Variants in TUT4 observed in about 807,000 individuals in gnomAD.
TUT4 encodes terminal uridylyltransferase 4.
In TUT4, 36 loss-of-function variants were observed where a neutral mutation model predicts 192.2. The observed-to-expected ratio is 0.19, with a 90% CI of 0.14 to 0.25. The LOEUF is 0.25. TUT4 is among the 10% of genes least tolerant of loss of function. The pLI, the probability that TUT4 is intolerant of heterozygous loss-of-function variation, is 1.00. For missense variants in TUT4, 1,493 were observed against 1,957.2 expected (o/e 0.76, Z 4.47); for synonymous variants, 618 against 666.0 (o/e 0.93, Z 1.11).
rs751392999 is a variant in TUT4, at chr1:52,475,412, T to C, written c.2147A>G (p.Asn716Ser). The change falls in exon 13 of 30, where the codon AAT (asparagine) becomes AGT (serine). Residue 716 changes from asparagine (N) to serine (S), a missense_variant. By Grantham distance (46) the Asn-to-Ser change is conservative. This residue lies in a region of TUT4 where 245 missense variants were observed against 218.4 expected (regional missense o/e 1.12). Transcript: ENST00000257177. ...TTTCTTGAAATCCACTGTAGACTTA[T>C]TTCCACCCTTCGTCTGAGGACAGGC... ...YFACPQTKGG[N>S]KSTVDFKKRE... 1.9e-6 allele frequency: 3 copies of C among 1,614,142 alleles called. No homozygotes were observed. Among genetic ancestry groups the C allele is most frequent in the South Asian group, 2.2e-5 (2 of 91,080 alleles).
chr1:52,440,217 G>GTA (rs1655093217), intron 24 of TUT4, among the ~76,000 whole-genome samples: 1 of 152,114 alleles, frequency 6.6e-6, no homozygotes, highest in African/African-American at 2.4e-5. Flanking sequence ...GCACAATCCT[G>GTA]TATATATATT....
At chr1:52,439,067 C>CT (rs1275129339) in intron 24 of TUT4, among the ~76,000 whole-genome samples, 12 of 102,366 alleles carry the variant, frequency 1.2e-4, no homozygotes, top group Admixed American at 3.2e-4. Context: ...AAGACTCCAT[C>CT]TAAAAAAAAA....
At chr1:52,527,015 C>T (rs1456105981) in intron 1 of TUT4, among the ~76,000 whole-genome samples, 1 of 151,924 alleles carries the variant, frequency 6.6e-6, no homozygotes, top group Admixed American at 6.6e-5. Flanking sequence ...CAAGAAGGAA[C>T]GAAACTCCAT....
intron 2 of TUT4, among the ~76,000 whole-genome samples, chr1:52,521,481 A>G (rs1030245236): frequency 6.6e-6 from 1 of 151,892 alleles, no homozygotes; most frequent in Non-Finnish European, 1.5e-5. Context: ...CCTGGCTAAC[A>G]TGGTGAAACC....
At chr1:52,442,710 A>G (rs1027450538) in intron 24 of TUT4, among the ~76,000 whole-genome samples, 6 of 152,222 alleles carry the variant, frequency 3.9e-5, no homozygotes, top group African/African-American at 1.4e-4. Context: ...CATAATGAAG[A>G]TAACCTAAAT....
chr1:52,516,306 TA>T (rs765662691), intron 2 of TUT4, among the ~76,000 whole-genome samples: 5 of 152,112 alleles, frequency 3.3e-5, no homozygotes, highest in Non-Finnish European at 7.4e-5. Flanking sequence ...AAGAGATACA[TA>T]ACTGAGACTT....
At chr1:52,503,040 C>T (rs920937132) in intron 4 of TUT4, among the ~76,000 whole-genome samples, 8 of 152,184 alleles carry the variant, frequency 5.3e-5, no homozygotes, top group Non-Finnish European at 1.2e-4. Context: ...ATTTAATTCT[C>T]ACAATATTAC....
chr1:52,521,368 AATAG>A (rs1680217363), intron 2 of TUT4, among the ~76,000 whole-genome samples: 1 of 152,176 alleles, frequency 6.6e-6, no homozygotes, highest in Non-Finnish European at 1.5e-5. Context: ...ATCAAGTCCA[AATAG>A]ATAATGATCT....
intron 4 of TUT4, among the ~76,000 whole-genome samples, chr1:52,498,905 TATA>T (rs1673261804): frequency 0.035 from 70 of 2,010 alleles, 3 homozygotes; most frequent in Non-Finnish European, 0.089. Context: ...AAAAAAATTA[TATA>T]TATATATATA....
intron 4 of TUT4, among the ~76,000 whole-genome samples, chr1:52,498,291 G>T (rs1473308693): frequency 6.8e-6 from 1 of 147,024 alleles, no homozygotes; most frequent in African/African-American, 2.5e-5. Context: ...GCCCCGGCTG[G>T]AGTGCAGTGG....
At chr1:52,494,427 C>A (rs1276913341) in intron 6 of TUT4, among the ~76,000 whole-genome samples, 1 of 152,180 alleles carries the variant, frequency 6.6e-6, no homozygotes, top group African/African-American at 2.4e-5. Flanking sequence ...TGCGGTGGCT[C>A]ACACCTGTAA....
chr1:52,537,391 T>C (rs1346478013), intron 1 of TUT4, among the ~76,000 whole-genome samples: 5 of 152,116 alleles, frequency 3.3e-5, no homozygotes, highest in South Asian at 2.1e-4. Context: ...AACACAAAGA[T>C]AGATATTATA....
At chr1:52,431,573 A>G (rs1269185158) in intron 27 of TUT4, 113 bp from the exon 28 acceptor site, 5 of 817,470 alleles carry the variant, frequency 6.1e-6, no homozygotes, top group Non-Finnish European at 8.6e-6. Flanking sequence ...TATGATGTAT[A>G]TCATAACAAA....
chr1:52,526,605 C>A (rs548010516), intron 1 of TUT4, among the ~76,000 whole-genome samples: 12 of 151,918 alleles, frequency 7.9e-5, no homozygotes, highest in African/African-American at 2.9e-4. Context: ...AAAACAGCAC[C>A]AAAATAAAGA....
At position 52,512,178 on chromosome 1, in the gene TUT4, C is replaced by T. The variant is rs183463424; in HGVS notation, c.883-2466G>A. ...CAGAAGGCATCAGAGGACATCTCAACTGACCTTGGATAAAGCTGTATCACT... is the reference window on the plus strand; with the variant it reads ...CAGAAGGCATCAGAGGACATCTCAATTGACCTTGGATAAAGCTGTATCACT... On this transcript the variant is annotated intron_variant, in intron 3 of 29. Transcript: ENST00000257177. 1.7e-4 allele frequency among the ~76,000 whole-genome samples: 26 copies of T among 152,290 alleles called. No homozygotes were observed. In the East Asian group the frequency reaches 5.0e-3, roughly 29 times the overall value.
At chr1:52,502,116 T>C (rs1674278378) in intron 4 of TUT4, among the ~76,000 whole-genome samples, 2 of 150,330 alleles carry the variant, frequency 1.3e-5, no homozygotes, top group Non-Finnish European at 3.0e-5. Flanking sequence ...TTTTATCTTA[T>C]ATATATTTTA....
intron 4 of TUT4, among the ~76,000 whole-genome samples, chr1:52,505,001 C>A (rs993390471): frequency 3.3e-5 from 5 of 152,182 alleles, no homozygotes; most frequent in African/African-American, 1.2e-4. Context: ...TGAATTGCTT[C>A]CACATACTAG....
intron 22 of TUT4, 104 bp from the exon 23 acceptor site, chr1:52,446,108 T>C: frequency 7.6e-7 from 1 of 1,314,950 alleles, no homozygotes; most frequent in African/African-American, 1.5e-5. Context: ...ACTCAGACTA[T>C]ACAAATCAGC....
intron 16 of TUT4, 39 bp downstream of exon 16, chr1:52,465,031 A>C: frequency 6.7e-7 from 1 of 1,483,606 alleles, no homozygotes; most frequent in East Asian, 2.4e-5. Context: ...CGTCATTGGG[A>C]GAAAATAAAC....
Sources: allele counts gnomAD v4.1 joint callset (sites outside exome capture counted in the v4.1 genomes callset), GRCh38; gene constraint gnomAD v4.1.1; regional missense constraint gnomAD v4.1.1; transcripts MANE v1.5; gene names NCBI Gene and HGNC (gene_info 2026-07-23, HGNC 2026-07-21).